The following ERBB4 variants were observed in gnomAD, a reference collection of about 807,000 sequenced individuals.
ERBB4 encodes the protein erb-b2 receptor tyrosine kinase 4.
A neutral mutation model predicts 158.0 loss-of-function variants in ERBB4; 42 were observed. The ratio of observed to expected loss-of-function variants is 0.27; its 90% CI spans 0.21 to 0.34. ERBB4 has a LOEUF of 0.34. Ranked by LOEUF, ERBB4 falls within the 10% of genes least tolerant of loss-of-function variation. ERBB4 has a pLI of 1.00. For synonymous variants in ERBB4, 583 were observed against 558.7 expected (o/e 1.04, Z -0.61); for missense variants, 1,333 against 1,624.1 (o/e 0.82, Z 3.08).
At chr2:212,296,048 T>G (rs548006752) in intron 1 of ERBB4, among the ~76,000 whole-genome samples, 69 of 152,156 alleles carry the variant, frequency 4.5e-4, no homozygotes, top group Non-Finnish European at 7.4e-4. Flanking sequence ...CTCTGTTGTC[T>G]TTCTGTAAGA....
chr2:211,653,390 T>C (rs1216503035), intron 16 of ERBB4, among the ~76,000 whole-genome samples: 2 of 152,068 alleles, frequency 1.3e-5, no homozygotes, highest in Non-Finnish European at 2.9e-5. Flanking sequence ...TGGGAAAGAA[T>C]AACATTGCTT....
At chr2:212,038,288 T>C (rs1241849649) in intron 2 of ERBB4, among the ~76,000 whole-genome samples, 1 of 152,044 alleles carries the variant, frequency 6.6e-6, no homozygotes, top group Admixed American at 6.6e-5. Context: ...AAAATCTAGA[T>C]AAAAATATCA....
At chr2:211,828,691 G>A (rs1442885463) in intron 3 of ERBB4, among the ~76,000 whole-genome samples, 1 of 152,094 alleles carries the variant, frequency 6.6e-6, no homozygotes, top group African/African-American at 2.4e-5. Context: ...AGAAATGTCT[G>A]GTTCAGTCTC....
rs116711191 is a variant in ERBB4 at position 212,105,054 on chromosome 2, G to A, written c.234+19698C>T. ...TTTCTCAAAAAAAACCTGGGGACTA[G>A]AATGCTCCATTAGGAAATTCCCTAA... is the stretch of plus-strand genomic sequence containing the variant. On this transcript the variant is annotated intron_variant, in intron 2 of 27. Coordinates refer to ENST00000342788, the MANE Select transcript of ERBB4 (RefSeq NM_005235.3). Among the ~76,000 whole-genome samples the A allele has an allele frequency of 3.3e-3, 506 of 152,200 alleles. 4 individuals are homozygous for A. Among genetic ancestry groups the A allele is most frequent in the African/African-American group, 0.011 (473 of 41,536 alleles).
chr2:212,195,488 A>C (rs994516767), intron 1 of ERBB4, among the ~76,000 whole-genome samples: 1 of 100,070 alleles, frequency 1.0e-5, no homozygotes, highest in African/African-American at 3.5e-5. Flanking sequence ...AAATTAATTA[A>C]ATAAAATATG....
At chr2:211,520,121 AT>A (rs1333238921) in intron 20 of ERBB4, among the ~76,000 whole-genome samples, 2 of 151,964 alleles carry the variant, frequency 1.3e-5, no homozygotes. Context: ...TAGCTTTAGA[AT>A]TTTTTTTGAA....
At chr2:211,631,220 A>C (rs1679112711) in intron 16 of ERBB4, among the ~76,000 whole-genome samples, 1 of 152,134 alleles carries the variant, frequency 6.6e-6, no homozygotes, top group Non-Finnish European at 1.5e-5. Context: ...GTTAGGAAGC[A>C]CTGCTCTAAT....
chr2:211,521,567 T>G (rs1234524590), intron 20 of ERBB4, among the ~76,000 whole-genome samples: 1 of 152,164 alleles, frequency 6.6e-6, no homozygotes, highest in Non-Finnish European at 1.5e-5. Flanking sequence ...CTAAGATAAT[T>G]GATGAAGGTG....
intron 1 of ERBB4, among the ~76,000 whole-genome samples, chr2:212,133,600 A>G (rs1311767983): frequency 6.6e-6 from 1 of 151,366 alleles, no homozygotes; most frequent in Admixed American, 6.6e-5. Context: ...TTCAGTAAAC[A>G]TTTGTTAAAT....
chr2:212,312,455 A>G (rs1343460470), intron 1 of ERBB4, among the ~76,000 whole-genome samples: 3 of 151,016 alleles, frequency 2.0e-5, no homozygotes, highest in Admixed American at 6.6e-5. Flanking sequence ...TAAAATGTCT[A>G]TTTTAGCCTC....
intron 1 of ERBB4, among the ~76,000 whole-genome samples, chr2:212,195,504 CT>C (rs1476891928): frequency 2.0e-5 from 3 of 151,784 alleles, no homozygotes. Flanking sequence ...ATATGCACAC[CT>C]TTTAAAGGCA....
intron 2 of ERBB4, among the ~76,000 whole-genome samples, chr2:211,973,113 A>C (rs946235698): frequency 6.6e-6 from 1 of 152,218 alleles, no homozygotes; most frequent in Non-Finnish European, 1.5e-5. Context: ...AAGTGGGCAA[A>C]AGACATGAAC....
intron 10 of ERBB4, among the ~76,000 whole-genome samples, chr2:211,704,651 T>G (rs1284382715): frequency 1.3e-5 from 2 of 152,198 alleles, no homozygotes; most frequent in Admixed American, 1.3e-4. Flanking sequence ...AAGACAATGT[T>G]GAACACATTA....
chr2:212,377,438 T>G (rs1173064559), intron 1 of ERBB4, among the ~76,000 whole-genome samples: 1 of 151,878 alleles, frequency 6.6e-6, no homozygotes, highest in African/African-American at 2.4e-5. Flanking sequence ...CTGTATGGTA[T>G]AGTCTATTGC....
chr2:211,702,142 C>T lies in ERBB4; in HGVS notation c.1314G>A (p.Lys438=), dbSNP rs766050181. The change falls in exon 12 of 28, where the codon AAG becomes AAA. Residue 438 remains lysine, a synonymous_variant. Coordinates refer to ENST00000342788, the MANE Select transcript of ERBB4 (RefSeq NM_005235.3). ...LYSGLSLLIL[K]QQGITSLQFQ... is the part of the protein sequence containing the mutation. ...ACTGTAGAGAGGTGATGCCCTGTTG[C>T]TTGAGGATAAGCAAGGACAGGCCAC... The T allele has an allele frequency of 1.2e-6, 2 of 1,613,956 alleles. No homozygotes were observed.
At chr2:211,420,330 C>T (rs991024547) in intron 25 of ERBB4, 111 bp downstream of exon 25, 143 of 775,466 alleles carry the variant, frequency 1.8e-4, no homozygotes, top group South Asian at 5.4e-4. Context: ...TTAATCTAGG[C>T]ATCACATTGA....
intron 1 of ERBB4, among the ~76,000 whole-genome samples, chr2:212,162,599 A>T (rs553168758): frequency 1.3e-5 from 2 of 151,950 alleles, no homozygotes; most frequent in Non-Finnish European, 2.9e-5. Flanking sequence ...TCAGATACTG[A>T]ACTTTATTTA....
chr2:211,677,101 T>C (rs985940599), intron 13 of ERBB4, among the ~76,000 whole-genome samples: 10 of 152,196 alleles, frequency 6.6e-5, no homozygotes, highest in Non-Finnish European at 1.2e-4. Flanking sequence ...GGAATTGGTT[T>C]TGGACATCTT....
At chr2:212,186,038 A>G (rs12995889) in intron 1 of ERBB4, among the ~76,000 whole-genome samples, 8,509 of 152,272 alleles carry the variant, frequency 0.056, 269 homozygotes, top group South Asian at 0.13. Context: ...ACGTTTGCTT[A>G]CAAGAAATAC....
Sources: gnomAD v4.1 joint callset for allele counts (sites outside exome capture counted in the v4.1 genomes callset) on GRCh38, gnomAD v4.1.1 for gene constraint, MANE v1.5 for transcripts, NCBI Gene and HGNC (gene_info 2026-07-23, HGNC 2026-07-21) for gene names.